The following TAFA2 variants were observed in gnomAD, a reference collection of about 807,000 sequenced individuals.
TAFA2 encodes the protein TAFA chemokine like family member 2.
In TAFA2, 7 loss-of-function variants were observed where a neutral mutation model predicts 18.8. The observed-to-expected ratio is 0.37, with a 90% CI of 0.21 to 0.70. TAFA2 has a LOEUF of 0.70. TAFA2 is among the 30% of genes least tolerant of loss of function. The probability of loss-of-function intolerance (pLI) is 0.53; values close to 1 mark genes in which losing one functional copy is unlikely to be tolerated. For synonymous variants in TAFA2, 60 were observed against 54.2 expected (o/e 1.11, Z -0.47); for missense variants, 122 against 158.1 (o/e 0.77, Z 1.23).
chr12:61,915,157 T>A (rs1383700206), intron 1 of TAFA2, among the ~76,000 whole-genome samples: 1 of 152,162 alleles, frequency 6.6e-6, no homozygotes, highest in Non-Finnish European at 1.5e-5. Context: ...CGAGACTCCA[T>A]CTCAAAATAA....
At position 61,803,944 on chromosome 12, in the gene TAFA2, T is replaced by C. The variant is rs535248771; in HGVS notation, c.107-48920A>G. On this transcript the variant is annotated intron_variant, in intron 2 of 4. Coordinates refer to ENST00000416284, the MANE Select transcript of TAFA2 (RefSeq NM_178539.5). ...ATATCACTCCATATGTGCCAAGTGTTTACTCATCTTACATATGTTAATGCC... is the reference window on the plus strand; with the variant it reads ...ATATCACTCCATATGTGCCAAGTGTCTACTCATCTTACATATGTTAATGCC... Among the ~76,000 whole-genome samples the C allele has an allele frequency of 3.3e-5, 5 of 152,118 alleles. No individual in the cohort carries two copies. The East Asian group carries it at 9.6e-4, about 29-fold the overall frequency.
chr12:61,898,705 G>A (rs149222689), intron 1 of TAFA2, among the ~76,000 whole-genome samples: 30 of 152,304 alleles, frequency 2.0e-4, no homozygotes, highest in African/African-American at 7.2e-4. Flanking sequence ...CTACAGGCCA[G>A]TGATGGGAGG....
Position 61,754,913 on chromosome 12 carries a change from T to C in TAFA2, c.218A>G (p.Gln73Arg). The C allele has an allele frequency of 1.2e-6, 2 of 1,612,984 alleles. No homozygotes were observed. Among genetic ancestry groups the C allele is most frequent in the Non-Finnish European group, 1.7e-6 (2 of 1,179,398 alleles). ...QTVKCSCFPG[Q>R]VAGTTRAAPS... ...AGCAGCTCGCGTGGTGCCTGCCACCTGCCCAGGGAAGCAGGAGCACTTGAC... is the reference window on the plus strand; with the variant it reads ...AGCAGCTCGCGTGGTGCCTGCCACCCGCCCAGGGAAGCAGGAGCACTTGAC... Residue 73 changes from glutamine to arginine, a missense_variant, in exon 3 of 5, where the codon CAG becomes CGG. By Grantham distance (43) the Gln-to-Arg change is conservative (BLOSUM62 1). This residue lies in a region of TAFA2 where 60 missense variants were observed against 102.7 expected (regional missense o/e 0.58). Transcript: ENST00000416284.
intron 1 of TAFA2, among the ~76,000 whole-genome samples, chr12:61,917,726 T>C (rs1876883341): frequency 6.6e-6 from 1 of 152,174 alleles, no homozygotes. Context: ...AATGAGAATG[T>C]ATGTTACCTG....
rs550611090 is a variant in TAFA2 at position 62,142,350 on chromosome 12, A to C, written c.-2+48909T>G. On this transcript the variant is annotated intron_variant, in intron 1 of 4. Transcript: ENST00000416284. ...TAGGATGAGAATTATAAATACTGTA[A>C]GAAAACTGACTAGGACAGTGTGTGG... 4.6e-5 allele frequency among the ~76,000 whole-genome samples: 7 copies of C among 152,352 alleles called. No homozygotes were observed. The East Asian group carries it at 1.3e-3, about 29-fold the overall frequency.
At chr12:62,218,148 G>A (rs975121976) in intron 1 of TAFA2, among the ~76,000 whole-genome samples, 2 of 151,660 alleles carry the variant, frequency 1.3e-5, no homozygotes, top group African/African-American at 2.4e-5. Context: ...GGCACGCACC[G>A]TCACACCGGG....
Position 61,799,594 on chromosome 12 carries a change from G to A in TAFA2, c.107-44570C>T, listed in dbSNP as rs369897570. ...CCCCAGCACTTTGGGAGGCCGAGGC[G>A]GGCGGATCACGAAGTCAGGAAATCG... On this transcript the variant is annotated intron_variant, in intron 2 of 4. Coordinates refer to ENST00000416284, the MANE Select transcript of TAFA2 (RefSeq NM_178539.5). Among the ~76,000 whole-genome samples, 946 of 152,220 alleles carry A rather than the reference G, an allele frequency of 6.2e-3. 3 individuals carry two copies. The highest frequency in any genetic ancestry group is 0.022 in the African/African-American group (896 of 41,548).
intron 4 of TAFA2, among the ~76,000 whole-genome samples, chr12:61,719,993 A>G (rs1275734130): frequency 6.6e-6 from 1 of 152,112 alleles, no homozygotes. Flanking sequence ...TCTGAAGGAT[A>G]GGGCAACACA....
intron 2 of TAFA2, among the ~76,000 whole-genome samples, chr12:61,796,477 A>T (rs1196089209): frequency 6.6e-6 from 1 of 152,170 alleles, no homozygotes; most frequent in East Asian, 1.9e-4. Flanking sequence ...ATGCAACATT[A>T]TCTACAATAA....
At chr12:61,835,215 C>T (rs1005425952) in intron 2 of TAFA2, among the ~76,000 whole-genome samples, 3 of 151,950 alleles carry the variant, frequency 2.0e-5, no homozygotes, top group African/African-American at 7.2e-5. Context: ...AACAGTAATG[C>T]TATTCTTTCC....
chr12:61,991,897 A>G (rs1446088967), intron 1 of TAFA2, among the ~76,000 whole-genome samples: 2 of 152,170 alleles, frequency 1.3e-5, no homozygotes, highest in Non-Finnish European at 2.9e-5. Context: ...GACATTACTG[A>G]TGACTTCCTG....
intron 1 of TAFA2, chr12:62,234,995 C>G (rs556503695): frequency 9.0e-5 from 59 of 657,684 alleles, no homozygotes; most frequent in Non-Finnish European, 1.6e-4. Context: ...AAGGTACTGT[C>G]GAGAGGCCAG....
chr12:61,819,151 GAGT>G lies in TAFA2; in HGVS notation c.106+48166_106+48168del, dbSNP rs1172245500. On this transcript the variant is annotated intron_variant, in intron 2 of 4. Coordinates refer to ENST00000416284, the MANE Select transcript of TAFA2 (RefSeq NM_178539.5). The stretch of plus-strand genomic sequence containing the variant: ...CTAGTAAAAATAGAACAATAGGATG[GAGT>G]AGGTTTGTGTAGAGCACTAAGAAAT... Among the ~76,000 whole-genome samples, 7 of 152,242 alleles carry G rather than the reference GAGT, an allele frequency of 4.6e-5. No individual in the cohort carries two copies. The South Asian group carries it at 1.0e-3, about 23-fold the overall frequency.
intron 1 of TAFA2, among the ~76,000 whole-genome samples, chr12:62,211,767 A>G (rs555749119): frequency 1.3e-5 from 2 of 152,142 alleles, no homozygotes; most frequent in African/African-American, 4.8e-5. Flanking sequence ...AATGTATAAG[A>G]CTATAGATAT....
intron 1 of TAFA2, among the ~76,000 whole-genome samples, chr12:62,150,668 C>G (rs139334631): frequency 2.6e-5 from 4 of 151,958 alleles, no homozygotes; most frequent in Admixed American, 1.3e-4. Flanking sequence ...TTTGGGAGGC[C>G]GAGGCTGTTG....
intron 2 of TAFA2, among the ~76,000 whole-genome samples, chr12:61,846,955 T>C (rs1220964256): frequency 6.6e-6 from 1 of 152,126 alleles, no homozygotes; most frequent in Non-Finnish European, 1.5e-5. Context: ...TAGCTTGCAG[T>C]CTTCCTTTCC....
chr12:62,030,139 G>T (rs1225830567), intron 1 of TAFA2, among the ~76,000 whole-genome samples: 11 of 152,130 alleles, frequency 7.2e-5, no homozygotes, highest in Admixed American at 6.5e-4. Context: ...AGCTCAGAAA[G>T]GATCAAAGAC....
intron 1 of TAFA2, among the ~76,000 whole-genome samples, chr12:62,189,443 C>G (rs1356236080): frequency 6.6e-6 from 1 of 152,134 alleles, no homozygotes; most frequent in Non-Finnish European, 1.5e-5. Context: ...AAAGAAAGGT[C>G]AACTCAAACA....
At chr12:61,839,750 T>A (rs1333913506) in intron 2 of TAFA2, among the ~76,000 whole-genome samples, 1 of 152,028 alleles carries the variant, frequency 6.6e-6, no homozygotes, top group East Asian at 1.9e-4. Context: ...ATGAAAGAGT[T>A]GAAAACTACC....
Sources: gnomAD v4.1 joint callset for allele counts (sites outside exome capture counted in the v4.1 genomes callset) on GRCh38, gnomAD v4.1.1 for gene constraint, gnomAD v4.1.1 regional missense constraint, MANE v1.5 for transcripts, NCBI Gene and HGNC (gene_info 2026-07-23, HGNC 2026-07-21) for gene names.